FKBP8: variants seen among roughly 807,000 people sequenced by gnomAD.
The protein encoded by FKBP8 is FKBP prolyl isomerase 8, also known as peptidyl-prolyl cis-trans isomerase FKBP8.
Under a neutral mutation model 41.7 loss-of-function variants are expected in FKBP8, and 5 were observed. That is an observed-to-expected ratio of 0.12 (90% CI 0.06 to 0.25). The LOEUF (loss-of-function observed/expected upper bound fraction) is 0.25. Ranked by LOEUF, FKBP8 falls within the 10% of genes least tolerant of loss-of-function variation. The pLI is 1.00. For synonymous variants in FKBP8, 279 were observed against 254.5 expected (o/e 1.10, Z -0.92); for missense variants, 397 against 563.0 (o/e 0.71, Z 2.98).
rs201140645 is a variant in FKBP8 at position 18,538,410 on chromosome 19, G to A, written c.578C>T (p.Ala193Val). 34 of 1,612,650 alleles carry A rather than the reference G, an allele frequency of 2.1e-5. No individual in the cohort carries two copies. The highest frequency in any genetic ancestry group is 1.1e-4 in the South Asian group (10 of 91,020). ...CAGGGTCACCTCCAGGCACAGGGCC[G>A]CGTGCGGGGGGATGTATGGGCTCCT... Reference protein sequence around the residue: ...GSRSPYIPPHAALCLEVTLKT... With the variant: ...GSRSPYIPPHVALCLEVTLKT... Residue 193 changes from alanine to valine, a missense_variant, in exon 5 of 9, where the codon GCG becomes GTG. Ala to Val is a moderately conservative substitution (Grantham distance 64, BLOSUM62 0). Coordinates refer to ENST00000608443, the MANE Select transcript of FKBP8 (RefSeq NM_012181.5). This position sits in a 1 kb window ranked among gnomAD's most constrained non-coding sequence, Gnocchi z 4.0.
intron 6 of FKBP8, among the ~76,000 whole-genome samples, chr19:18,535,015 C>T (rs1976541786): frequency 6.6e-6 from 1 of 151,984 alleles, no homozygotes; most frequent in East Asian, 1.9e-4. Context: ...AAACTCCTGA[C>T]CTCAAGTGAT....
At chr19:18,543,133 G>A in intron 1 of FKBP8, 2 of 211,608 alleles carry the variant, frequency 9.5e-6, no homozygotes, top group Non-Finnish European at 1.7e-5. Context: ...CCACAGCCCC[G>A]GCCGGGCCCT....
intron 6 of FKBP8, chr19:18,536,288 G>A (rs1417891376): frequency 2.0e-5 from 3 of 152,120 alleles, no homozygotes; most frequent in Non-Finnish European, 4.4e-5. Flanking sequence ...AACAGAAAAG[G>A]GGGTGAGAAT....
chr19:18,536,420 G>T (rs1207236322), intron 6 of FKBP8, among the ~76,000 whole-genome samples: 1 of 152,102 alleles, frequency 6.6e-6, no homozygotes, highest in Non-Finnish European at 1.5e-5. Flanking sequence ...GTGCAGTGGT[G>T]TGATCAAGGC....
At chr19:18,541,572 G>C (rs956865908) in intron 2 of FKBP8, 107 bp downstream of exon 2, 1 of 1,473,540 alleles carries the variant, frequency 6.8e-7, no homozygotes, top group African/African-American at 1.4e-5. Flanking sequence ...TGGTGATCAC[G>C]GTGGTGACCA....
At chr19:18,533,901 C>A (rs540734916) in intron 6 of FKBP8, among the ~76,000 whole-genome samples, 1 of 147,758 alleles carries the variant, frequency 6.8e-6, no homozygotes, top group East Asian at 2.0e-4. Flanking sequence ...CCCAGCTACT[C>A]GGGAGGCTGA....
At position 18,543,196 on chromosome 19, in the gene FKBP8, A is replaced by C. The variant is rs1209163303; in HGVS notation, c.-26+290T>G. The stretch of plus-strand genomic sequence containing the variant: ...CGACCCACGCCTGTCTGACGCCACC[A>C]GTCTGGGGCACCCGACCCCCGCACG... On this transcript the variant is annotated intron_variant, in intron 1 of 8. Transcript: ENST00000608443. The C allele has an allele frequency of 6.5e-5, 14 of 215,514 alleles. No individual in the cohort carries two copies. In the Admixed American group the frequency reaches 8.3e-4, roughly 13 times the overall value. 13.4% of individuals were successfully genotyped at this position (215,514 alleles called of 1,614,324 possible). A position where few individuals can be genotyped will look rare whatever the true frequency, so the allele number is the denominator to read the frequency against.
At chr19:18,541,412 G>A (rs577011841) in intron 2 of FKBP8, among the ~76,000 whole-genome samples, 7 of 152,370 alleles carry the variant, frequency 4.6e-5, no homozygotes, top group Admixed American at 2.6e-4. Flanking sequence ...AGCGCCTGGC[G>A]TGCTGGCTGT....
Position 18,537,565 on chromosome 19 carries a change from C to A in FKBP8, c.945+36G>T. 1 of 1,549,716 alleles carries A rather than the reference C, an allele frequency of 6.5e-7. No homozygotes were observed. The highest frequency in any genetic ancestry group is 8.7e-7 in the Non-Finnish European group (1 of 1,146,320). On this transcript the variant is annotated intron_variant, in intron 6 of 8. Transcript: ENST00000608443. This position sits in a 1 kb window ranked among gnomAD's most constrained non-coding sequence, Gnocchi z 4.4. ...TGGGGACCACCCCGTATACCCCAGG[C>A]TGAGTGACCCGGCCTGGCACCCCGG...
chr19:18,532,825 G>A (rs1976480468), intron 7 of FKBP8, 30 bp from the exon 8 acceptor site: 5 of 1,609,910 alleles, frequency 3.1e-6, no homozygotes, highest in East Asian at 4.5e-5. Context: ...CTGAGAACAC[G>A]CAGCGGCCAA....
rs778744089 is a variant in FKBP8, at chr19:18,541,845, TTCCTCCTCC to T, written c.117_125del (p.Glu44_Glu46del). The T allele has an allele frequency of 2.5e-6, 4 of 1,613,178 alleles. No homozygotes were observed. The highest frequency in any genetic ancestry group is 1.7e-5 in the Admixed American group (1 of 59,860). Reference sequence around the variant, plus strand: ...CACTCAGGTCATCCTCTTCCTCCTCTTCCTCCTCCTCTTCCTCCTCACCCTCTGCATCCT... The same window carrying T: ...CACTCAGGTCATCCTCTTCCTCCTCTTCTTCCTCCTCACCCTCTGCATCCT... On this transcript the variant is annotated inframe_deletion, in exon 2 of 9. Transcript: ENST00000608443.
chr19:18,540,030 G>T (rs1308779020), intron 2 of FKBP8, among the ~76,000 whole-genome samples: 1 of 151,460 alleles, frequency 6.6e-6, no homozygotes, highest in East Asian at 1.9e-4. Flanking sequence ...ACTGAGACTT[G>T]CCGAGTTTCC....
intron 4 of FKBP8, among the ~76,000 whole-genome samples, 199 bp downstream of exon 4, chr19:18,539,172 T>C (rs984386494): frequency 6.6e-6 from 1 of 152,180 alleles, no homozygotes; most frequent in Non-Finnish European, 1.5e-5. Flanking sequence ...TTGCTTAGGC[T>C]GGTCTGGAAC....
chr19:18,535,782 G>T (rs886801284), intron 6 of FKBP8, among the ~76,000 whole-genome samples: 1 of 151,568 alleles, frequency 6.6e-6, no homozygotes, highest in African/African-American at 2.4e-5. Flanking sequence ...CCAGGGGGGA[G>T]GGGGGAGCAT....
At position 18,539,626 on chromosome 19, in the gene FKBP8, C is replaced by T. The variant is rs144495821; in HGVS notation, c.387G>A (p.Thr129=). ...KGQVVTVHLQ[T]SLENGTRVQE... ...GCACCCGTGTGCCATTCTCCAGCGA[C>T]GTCTGCAGATGTACGGTGACCACCT... is the stretch of plus-strand genomic sequence containing the variant. Residue 129 remains threonine (T), a synonymous_variant, in exon 3 of 9, where the codon ACG becomes ACA. Coordinates refer to ENST00000608443, the MANE Select transcript of FKBP8 (RefSeq NM_012181.5). 5.0e-6 allele frequency: 8 copies of T among 1,612,976 alleles called. No homozygotes were observed. The highest frequency in any genetic ancestry group is 1.3e-5 in the African/African-American group (1 of 74,934).
intron 6 of FKBP8, 41 bp from the exon 7 acceptor site, chr19:18,533,388 T>C: frequency 6.6e-7 from 1 of 1,523,440 alleles, no homozygotes. Flanking sequence ...GACCCATACC[T>C]GGGCCTGTCC....
In FKBP8 at chr19:18,538,407, G is replaced by T; in HGVS notation, c.581C>A (p.Ala194Asp). 6.2e-7 allele frequency: 1 copy of T among 1,612,962 alleles called. No individual in the cohort carries two copies. Among genetic ancestry groups the T allele is most frequent in the Non-Finnish European group, 8.5e-7 (1 of 1,179,952 alleles). The change falls in exon 5 of 9, where the codon GCC (alanine) becomes GAC (aspartate). Residue 194 changes from alanine (A) to aspartate (D), a missense_variant. By Grantham distance (126) the Ala-to-Asp change is moderately radical. Coordinates refer to ENST00000608443, the MANE Select transcript of FKBP8 (RefSeq NM_012181.5). The surrounding 1 kb of genome is among the most constrained non-coding windows in gnomAD (Gnocchi z 4.0). ...CTTCAGGGTCACCTCCAGGCACAGGGCCGCGTGCGGGGGGATGTATGGGCT... is the reference window on the plus strand; with the variant it reads ...CTTCAGGGTCACCTCCAGGCACAGGTCCGCGTGCGGGGGGATGTATGGGCT... ...SRSPYIPPHA[A>D]LCLEVTLKTA...
At position 18,532,580 on chromosome 19, in the gene FKBP8, G is replaced by A. The variant is rs1002399058; in HGVS notation, c.1155+84C>T. ...CATCGCCCAGGACGGCCCAGTCTCCGAGGACATCCATGTATGCAAAATAAA... is the reference window on the plus strand; with the variant it reads ...CATCGCCCAGGACGGCCCAGTCTCCAAGGACATCCATGTATGCAAAATAAA... On this transcript the variant is annotated intron_variant, in intron 8 of 8. Coordinates refer to ENST00000608443, the MANE Select transcript of FKBP8 (RefSeq NM_012181.5). The A allele has an allele frequency of 5.0e-5, 77 of 1,554,228 alleles. No individual in the cohort carries two copies. The Middle Eastern group carries it at 5.2e-4, about 10-fold the overall frequency.
Position 18,537,520 on chromosome 19 carries a change from G to A in FKBP8, c.945+81C>T. 7.4e-7 allele frequency: 1 copy of A among 1,344,310 alleles called. No homozygotes were observed. Among genetic ancestry groups the A allele is most frequent in the Middle Eastern group, 2.6e-4 (1 of 3,798 alleles). 83.3% of individuals were successfully genotyped at this position (1,344,310 alleles called of 1,614,324 possible). A position where few individuals can be genotyped will look rare whatever the true frequency, so the allele number is the denominator to read the frequency against. ...GAGCTCAGCTGGCTTATATACCTAT[G>A]CCTTTCTCAAATGCAGGGTTGGGGA... On this transcript the variant is annotated intron_variant, in intron 6 of 8. Transcript: ENST00000608443. The surrounding 1 kb of genome is among the most constrained non-coding windows in gnomAD (Gnocchi z 4.4).
Sources: allele counts gnomAD v4.1 joint callset (sites outside exome capture counted in the v4.1 genomes callset), GRCh38; gene constraint gnomAD v4.1.1; non-coding constraint Gnocchi (gnomAD v3.1); transcripts MANE v1.5; gene names NCBI Gene and HGNC (gene_info 2026-07-23, HGNC 2026-07-21).